CAPZA1: variants seen among roughly 807,000 people sequenced by gnomAD.
CAPZA1 encodes the protein capping actin protein of muscle Z-line subunit alpha 1, also known as F-actin-capping protein subunit alpha-1.
Under a neutral mutation model 40.8 loss-of-function variants are expected in CAPZA1, and 10 were observed. The ratio of observed to expected loss-of-function variants is 0.25; its 90% CI spans 0.15 to 0.42. CAPZA1 has a LOEUF of 0.42. Among genes scored for constraint, CAPZA1 ranks in the 10% least tolerant of loss-of-function variants. The pLI, the probability that CAPZA1 is intolerant of heterozygous loss-of-function variation, is 1.00. For missense variants in CAPZA1, 277 were observed against 353.8 expected (o/e 0.78, Z 1.74); for synonymous variants, 98 against 115.0 (o/e 0.85, Z 0.95).
intron 5 of CAPZA1, among the ~76,000 whole-genome samples, chr1:112,656,842 C>T (rs1341670017): frequency 6.6e-6 from 1 of 151,844 alleles, no homozygotes; most frequent in East Asian, 1.9e-4. Flanking sequence ...AAACATTTTT[C>T]ATTGTCCTCT....
chr1:112,669,121 A>G (rs1025334368), intron 8 of CAPZA1, among the ~76,000 whole-genome samples: 2 of 152,234 alleles, frequency 1.3e-5, no homozygotes, highest in South Asian at 2.1e-4. Flanking sequence ...GAGCTTATGT[A>G]TATGACTGAT....
rs887936156 is a variant in CAPZA1 at position 112,670,660 on chromosome 1, A to C, written c.*528A>C. The C allele has an allele frequency of 1.3e-5, 2 of 152,624 alleles. No homozygotes were observed. The highest frequency in any genetic ancestry group is 2.9e-5 in the Non-Finnish European group (2 of 68,046). The allele number at this position is 152,624 out of a possible 1,614,324, so 9.5% of individuals were successfully genotyped here. A position where few individuals can be genotyped will look rare whatever the true frequency, so the allele number is the denominator to read the frequency against. On this transcript the variant is annotated 3_prime_UTR_variant, in exon 10 of 10. Coordinates refer to ENST00000263168, the MANE Select transcript of CAPZA1 (RefSeq NM_006135.3). Reference sequence around the variant, plus strand: ...CTTTGATCATCATTTATTGCATCTCATAACTAATTTTCTAAAGTTTGGATT... The same window carrying C: ...CTTTGATCATCATTTATTGCATCTCCTAACTAATTTTCTAAAGTTTGGATT...
At chr1:112,628,453 G>T (rs893806761) in intron 1 of CAPZA1, among the ~76,000 whole-genome samples, 9 of 152,040 alleles carry the variant, frequency 5.9e-5, no homozygotes, top group African/African-American at 1.9e-4. Flanking sequence ...ACATATAGAA[G>T]GAACTAAGTT....
At chr1:112,645,949 G>A (rs114741569) in intron 1 of CAPZA1, among the ~76,000 whole-genome samples, 5,379 of 120,390 alleles carry the variant, frequency 0.045, 143 homozygotes, top group South Asian at 0.095. Flanking sequence ...CAACAACATA[G>A]CGAGACCCTG....
intron 1 of CAPZA1, among the ~76,000 whole-genome samples, chr1:112,627,107 G>A (rs911725878): frequency 1.3e-5 from 2 of 152,168 alleles, no homozygotes; most frequent in Non-Finnish European, 2.9e-5. Flanking sequence ...GCACATTTGA[G>A]GTTAAAATAT....
intron 1 of CAPZA1, among the ~76,000 whole-genome samples, chr1:112,641,535 C>A (rs1192715797): frequency 1.3e-5 from 2 of 152,064 alleles, no homozygotes; most frequent in East Asian, 1.9e-4. Context: ...ACTGTCAGGA[C>A]CCCTTTACAT....
At chr1:112,666,146 A>G (rs1671721410) in intron 7 of CAPZA1, among the ~76,000 whole-genome samples, 1 of 152,132 alleles carries the variant, frequency 6.6e-6, no homozygotes, top group Admixed American at 6.6e-5. Flanking sequence ...TGTTCTTCAC[A>G]GTCTGTGTTT....
intron 5 of CAPZA1, among the ~76,000 whole-genome samples, chr1:112,657,467 G>T (rs1671520716): frequency 6.6e-6 from 1 of 152,140 alleles, no homozygotes; most frequent in Admixed American, 6.6e-5. Context: ...TTTACTAATG[G>T]TTCCTGAGTT....
chr1:112,659,606 G>A, intron 6 of CAPZA1, 95 bp from the exon 7 acceptor site: 1 of 698,228 alleles, frequency 1.4e-6, no homozygotes. Flanking sequence ...TTCTTTTTTT[G>A]CACCCCTCTT....
At chr1:112,632,763 C>T (rs1015893512) in intron 1 of CAPZA1, among the ~76,000 whole-genome samples, 1 of 152,186 alleles carries the variant, frequency 6.6e-6, no homozygotes, top group African/African-American at 2.4e-5. Context: ...CTACTTAAAA[C>T]TAACTTGCCT....
intron 1 of CAPZA1, among the ~76,000 whole-genome samples, chr1:112,632,282 T>C (rs1479268841): frequency 6.6e-6 from 1 of 152,166 alleles, no homozygotes; most frequent in African/African-American, 2.4e-5. Context: ...CACTCCATCC[T>C]GGGTGACATC....
chr1:112,637,361 A>G (rs1404156337), intron 1 of CAPZA1, among the ~76,000 whole-genome samples: 2 of 152,262 alleles, frequency 1.3e-5, no homozygotes, highest in Non-Finnish European at 2.9e-5. Flanking sequence ...CAGTGAACAA[A>G]CATAACAAGT....
chr1:112,648,974 A>AG (rs1348357529), intron 2 of CAPZA1, among the ~76,000 whole-genome samples: 1 of 152,058 alleles, frequency 6.6e-6, no homozygotes, highest in African/African-American at 2.4e-5. Flanking sequence ...AAAAAAAAAA[A>AG]AAGGTGACTA....
chr1:112,647,120 T>A (rs1036809968), intron 1 of CAPZA1, 90 bp from the exon 2 acceptor site: 5 of 601,450 alleles, frequency 8.3e-6, no homozygotes, highest in Non-Finnish European at 1.4e-5. Context: ...TTTCAAGGGA[T>A]ATGATGAAAA....
At chr1:112,667,545 T>G (rs527634470) in intron 8 of CAPZA1, among the ~76,000 whole-genome samples, 1 of 152,170 alleles carries the variant, frequency 6.6e-6, no homozygotes, top group African/African-American at 2.4e-5. Flanking sequence ...TGGTGGTCTA[T>G]TTGAGACAGG....
chr1:112,653,557 CTT>C (rs372032414), intron 3 of CAPZA1, 39 bp from the exon 4 acceptor site: 1,227 of 812,094 alleles, frequency 1.5e-3, no homozygotes, highest in East Asian at 1.8e-3. Context: ...CTCTCTCCCT[CTT>C]TTTTTTTTTT....
chr1:112,626,432 CAAA>C (rs34614213), intron 1 of CAPZA1, among the ~76,000 whole-genome samples: 1 of 126,588 alleles, frequency 7.9e-6, no homozygotes, highest in Non-Finnish European at 1.7e-5. Flanking sequence ...CGGTCTCTAC[CAAA>C]AAAAAAAAAA....
In CAPZA1 at chr1:112,667,455, A is replaced by C. The variant is rs1331575058; in HGVS notation, c.657+310A>C. On this transcript the variant is annotated intron_variant, in intron 8 of 9. Coordinates refer to ENST00000263168, the MANE Select transcript of CAPZA1 (RefSeq NM_006135.3). ...GAGCAAGGAAAGTTTACCAAACTGC[A>C]TCCTATAGGGCTGCATTTATATCAT... is the stretch of plus-strand genomic sequence containing the variant. 5.3e-5 allele frequency among the ~76,000 whole-genome samples: 8 copies of C among 152,328 alleles called. No individual in the cohort carries two copies. The East Asian group carries it at 9.6e-4, about 18-fold the overall frequency.
At chr1:112,628,078 A>G (rs905306816) in intron 1 of CAPZA1, among the ~76,000 whole-genome samples, 5 of 152,228 alleles carry the variant, frequency 3.3e-5, no homozygotes, top group African/African-American at 1.2e-4. Context: ...TTTAAAGATC[A>G]CTAAAGTCCC....
Sources: gnomAD v4.1 joint callset for allele counts (sites outside exome capture counted in the v4.1 genomes callset) on GRCh38, gnomAD v4.1.1 for gene constraint, MANE v1.5 for transcripts, NCBI Gene and HGNC (gene_info 2026-07-23, HGNC 2026-07-21) for gene names.